The following PCDH7 variants were observed in gnomAD, a reference collection of about 807,000 sequenced individuals.
PCDH7 encodes protocadherin-7.
Under a neutral mutation model 58.9 loss-of-function variants are expected in PCDH7, and 17 were observed. The ratio of observed to expected loss-of-function variants is 0.29; its 90% CI spans 0.20 to 0.43. The LOEUF is 0.43. PCDH7 is among the 20% of genes least tolerant of loss of function. The pLI, the probability that PCDH7 is intolerant of heterozygous loss-of-function variation, is 1.00. For synonymous variants in PCDH7, 664 were observed against 616.4 expected, an observed-to-expected ratio of 1.08 and a Z score of -1.14; for missense variants, 1,274 against 1,441.0, an observed-to-expected ratio of 0.88 and a Z score of 1.88.
intron 3 of PCDH7, among the ~76,000 whole-genome samples, chr4:31,019,190 C>T (rs1753834258): frequency 6.6e-6 from 1 of 151,718 alleles, no homozygotes; most frequent in Non-Finnish European, 1.5e-5. Context: ...AGATAAATGT[C>T]TATATATATG....
intron 1 of PCDH7, among the ~76,000 whole-genome samples, chr4:30,881,142 A>C (rs1016256974): frequency 2.0e-5 from 3 of 152,128 alleles, no homozygotes; most frequent in Admixed American, 6.6e-5. Context: ...CACTCTGGCA[A>C]GGTAAATGGG....
chr4:30,956,914 A>T (rs1245818669), intron 3 of PCDH7, among the ~76,000 whole-genome samples: 3 of 152,214 alleles, frequency 2.0e-5, no homozygotes, highest in African/African-American at 7.2e-5. Flanking sequence ...GAAGAAACAG[A>T]AAAACACTAG....
At chr4:31,022,041 G>A (rs552380693) in intron 3 of PCDH7, among the ~76,000 whole-genome samples, 7 of 152,118 alleles carry the variant, frequency 4.6e-5, no homozygotes, top group South Asian at 2.1e-4. Context: ...AATTATTGTC[G>A]TTTAAATATG....
intron 1 of PCDH7, among the ~76,000 whole-genome samples, chr4:30,807,721 C>T (rs967491637): frequency 6.6e-6 from 1 of 151,748 alleles, no homozygotes; most frequent in Non-Finnish European, 1.5e-5. Flanking sequence ...AAGGGCTAAC[C>T]CAGCACATAC....
intron 1 of PCDH7, among the ~76,000 whole-genome samples, chr4:30,751,550 G>A (rs1378653322): frequency 6.6e-6 from 1 of 152,002 alleles, no homozygotes; most frequent in Admixed American, 6.6e-5. Context: ...AAGTTTATAG[G>A]TTATATAATT....
At chr4:30,790,254 C>G (rs1411911448) in intron 1 of PCDH7, among the ~76,000 whole-genome samples, 2 of 152,162 alleles carry the variant, frequency 1.3e-5, no homozygotes, top group Non-Finnish European at 2.9e-5. Context: ...ATTCATTGCT[C>G]TCTTAATATT....
intron 3 of PCDH7, among the ~76,000 whole-genome samples, chr4:30,974,571 T>G (rs575454861): frequency 4.6e-4 from 70 of 152,280 alleles, no homozygotes; most frequent in Non-Finnish European, 8.7e-4. Flanking sequence ...CAGTTGTGTG[T>G]TGGCTAAGTA....
chr4:30,806,505 C>T (rs901161799), intron 1 of PCDH7, among the ~76,000 whole-genome samples: 1 of 151,794 alleles, frequency 6.6e-6, no homozygotes, highest in African/African-American at 2.4e-5. Context: ...GGGGTTTCAC[C>T]ATGTTGGTCA....
At chr4:30,934,498 G>A (rs1307090502) in intron 2 of PCDH7, among the ~76,000 whole-genome samples, 6 of 152,036 alleles carry the variant, frequency 3.9e-5, no homozygotes, top group East Asian at 1.9e-4. Flanking sequence ...TTTTGAAGGA[G>A]AATTAGAGGA....
At chr4:31,067,494 A>G (rs949697392) in intron 3 of PCDH7, among the ~76,000 whole-genome samples, 12 of 151,776 alleles carry the variant, frequency 7.9e-5, no homozygotes, top group Non-Finnish European at 1.5e-4. Context: ...GGATCGTGCC[A>G]GTGGTATTTC....
At chr4:31,125,722 T>C (rs992605517) in intron 3 of PCDH7, among the ~76,000 whole-genome samples, 5 of 152,230 alleles carry the variant, frequency 3.3e-5, no homozygotes, top group Admixed American at 1.3e-4. Context: ...ATACTCACAG[T>C]GCACTGTGTT....
chr4:30,824,101 TTCTTTCTTTCTTTC>T (rs1290917829), intron 1 of PCDH7, among the ~76,000 whole-genome samples: 44 of 128,726 alleles, frequency 3.4e-4, no homozygotes, highest in African/African-American at 1.3e-3. Context: ...CTTTCTTTCT[TTCTTTCTTTCTTTC>T]TTTCTTTCTT....
intron 1 of PCDH7, among the ~76,000 whole-genome samples, chr4:30,846,481 G>A (rs1363846250): frequency 6.7e-6 from 1 of 148,550 alleles, no homozygotes; most frequent in East Asian, 2.1e-4. Flanking sequence ...CTCCAGAACT[G>A]TGAGTTTTTT....
At chr4:30,818,373 C>T (rs1727953820) in intron 1 of PCDH7, among the ~76,000 whole-genome samples, 2 of 152,112 alleles carry the variant, frequency 1.3e-5, no homozygotes, top group African/African-American at 2.4e-5. Flanking sequence ...TTTACTGTTT[C>T]TCAGCTTCCA....
chr4:30,840,926 C>T (rs2109338294), intron 1 of PCDH7, among the ~76,000 whole-genome samples: 1 of 151,172 alleles, frequency 6.6e-6, no homozygotes, highest in East Asian at 1.9e-4. Context: ...AGTTTGCTTT[C>T]TCATATTCAA....
At chr4:30,898,838 G>A (rs35580687) in intron 1 of PCDH7, among the ~76,000 whole-genome samples, 30 of 151,980 alleles carry the variant, frequency 2.0e-4, no homozygotes, top group African/African-American at 6.8e-4. Flanking sequence ...TGATCCGCCC[G>A]CCTCGGCCTC....
intron 1 of PCDH7, among the ~76,000 whole-genome samples, chr4:30,758,360 G>T (rs1719581959): frequency 6.6e-6 from 1 of 152,138 alleles, no homozygotes; most frequent in South Asian, 2.1e-4. Flanking sequence ...CAGAGAAGAG[G>T]TTATGTTGTG....
intron 1 of PCDH7, among the ~76,000 whole-genome samples, chr4:30,782,226 A>G (rs1722898414): frequency 6.6e-6 from 1 of 152,122 alleles, no homozygotes; most frequent in Non-Finnish European, 1.5e-5. Flanking sequence ...TTTTTCTTAA[A>G]CATGCCAAAA....
At chr4:30,901,772 T>G (rs1740248208) in intron 1 of PCDH7, among the ~76,000 whole-genome samples, 1 of 152,210 alleles carries the variant, frequency 6.6e-6, no homozygotes, top group Admixed American at 6.5e-5. Flanking sequence ...AATAATTGAC[T>G]TCATTCTCCT....
Sources: allele counts gnomAD v4.1 joint callset (sites outside exome capture counted in the v4.1 genomes callset), GRCh38; gene constraint gnomAD v4.1.1; transcripts MANE v1.5; gene names NCBI Gene and HGNC (gene_info 2026-07-23, HGNC 2026-07-21).